The following CHTF8 variants were observed in gnomAD, a reference collection of about 807,000 sequenced individuals.
The protein encoded by CHTF8 is chromosome transmission fidelity protein 8 homolog.
Under a neutral mutation model 11.0 loss-of-function variants are expected in CHTF8, and 6 were observed. The observed-to-expected ratio is 0.55, with a 90% CI of 0.30 to 1.08. The LOEUF is 1.08. Ranked by LOEUF, CHTF8 falls within the 50% of genes least tolerant of loss-of-function variation. CHTF8 has a pLI of 0.07. For missense variants in CHTF8, 140 were observed against 153.1 expected (o/e 0.91, Z 0.45); for synonymous variants, 53 against 60.5 (o/e 0.88, Z 0.57).
chr16:69,123,542 A>C (rs914494667), intron 1 of CHTF8, among the ~76,000 whole-genome samples: 5 of 152,008 alleles, frequency 3.3e-5, no homozygotes, highest in African/African-American at 1.2e-4. Flanking sequence ...CCATAATCCC[A>C]GCTATTCGGC....
At chr16:69,121,212 G>A in intron 2 of CHTF8, 42 bp from the exon 3 acceptor site, 1 of 1,563,756 alleles carries the variant, frequency 6.4e-7, no homozygotes, top group Non-Finnish European at 8.8e-7. Flanking sequence ...TTTGAGGGGT[G>A]AAGGATGAAT....
rs970761465 is a variant in CHTF8, at chr16:69,127,212, T to C, written c.-36+5272A>G. 7.5e-4 allele frequency among the ~76,000 whole-genome samples: 110 copies of C among 147,142 alleles called. 1 individual carries two copies. The highest frequency in any genetic ancestry group is 1.2e-3 in the Admixed American group (17 of 14,532). ...GAGATTGCGCCACCACACTCCAGCC[T>C]GGGCAACAAAGAGCAAAACTCCGTC... On this transcript the variant is annotated intron_variant, in intron 1 of 3. Transcript: ENST00000448552.
At position 69,120,575 on chromosome 16, in the gene CHTF8, G is replaced by T; in HGVS notation, c.216C>A (p.Val72=). The T allele has an allele frequency of 6.2e-7, 1 of 1,614,138 alleles. No individual in the cohort carries two copies. The highest frequency in any genetic ancestry group is 8.5e-7 in the Non-Finnish European group (1 of 1,180,016). The change falls in exon 4 of 4, where the codon GTC becomes GTA. Residue 72 remains valine (V), a synonymous_variant. Coordinates refer to ENST00000448552, the MANE Select transcript of CHTF8 (RefSeq NM_001039690.5). The surrounding 1 kb of genome is among the most constrained non-coding windows in gnomAD (Gnocchi z 4.0). The part of the protein sequence containing the change: ...KIIHLEKPFA[V]LVKHTPGDQD... ...GATCCCCAGGAGTGTGTTTGACAAGGACTGCAAAAGGTTTCTCCAGGTGGA... is the reference window on the plus strand; with the variant it reads ...GATCCCCAGGAGTGTGTTTGACAAGTACTGCAAAAGGTTTCTCCAGGTGGA...
intron 1 of CHTF8, among the ~76,000 whole-genome samples, chr16:69,125,740 T>C (rs1255921160): frequency 6.6e-6 from 1 of 152,190 alleles, no homozygotes; most frequent in Non-Finnish European, 1.5e-5. Context: ...AAAATCCTTT[T>C]ATAAGGTTTC....
At chr16:69,127,595 C>T (rs1322355443) in intron 1 of CHTF8, among the ~76,000 whole-genome samples, 5 of 149,066 alleles carry the variant, frequency 3.4e-5, no homozygotes, top group Non-Finnish European at 4.4e-5. Context: ...AGAGCTCTCC[C>T]GGCAACTTTT....
rs187473707 is a variant in CHTF8, at chr16:69,121,544, T to C, written c.-35-51A>G. ...GGGTAATAACAACAACAACTAATAATGACACCTAATGCAACCTCCACCTCC... is the reference window on the plus strand; with the variant it reads ...GGGTAATAACAACAACAACTAATAACGACACCTAATGCAACCTCCACCTCC... On this transcript the variant is annotated intron_variant, in intron 1 of 3. Coordinates refer to ENST00000448552, the MANE Select transcript of CHTF8 (RefSeq NM_001039690.5). 2,958 of 1,115,664 alleles carry C rather than the reference T, an allele frequency of 2.7e-3. 10 individuals are homozygous for C. The highest frequency in any genetic ancestry group is 3.7e-3 in the Admixed American group (165 of 44,160). 69.1% of individuals were successfully genotyped at this position (1,115,664 alleles called of 1,614,324 possible). A position where few individuals can be genotyped will look rare whatever the true frequency, so the allele number is the denominator to read the frequency against.
intron 1 of CHTF8, among the ~76,000 whole-genome samples, chr16:69,130,330 G>A (rs1333573116): frequency 6.6e-6 from 1 of 151,856 alleles, no homozygotes; most frequent in Non-Finnish European, 1.5e-5. Flanking sequence ...TTTCAAACAG[G>A]AAACCAAGCC....
chr16:69,120,640 C>A lies in CHTF8; in HGVS notation c.151G>T (p.Val51Leu), dbSNP rs766507616. 1.9e-6 allele frequency: 3 copies of A among 1,608,224 alleles called. No homozygotes were observed. The highest frequency in any genetic ancestry group is 2.2e-5 in the East Asian group (1 of 44,708). ...DLHYTTEGIP[V>L]LIVGHHILYG... Reference sequence around the variant, plus strand: ...AGGATATGATGCCCCACGATCAGCACAGGGATTCCCTTTGGCAGAACAAGA... The same window carrying A: ...AGGATATGATGCCCCACGATCAGCAAAGGGATTCCCTTTGGCAGAACAAGA... Residue 51 changes from valine to leucine, a missense_variant, in exon 4 of 4, where the codon GTG becomes TTG. Val to Leu is a conservative substitution (Grantham distance 32). Transcript: ENST00000448552. The surrounding 1 kb of genome is among the most constrained non-coding windows in gnomAD (Gnocchi z 4.0).
At chr16:69,129,431 A>T (rs993479083) in intron 1 of CHTF8, among the ~76,000 whole-genome samples, 7 of 76,866 alleles carry the variant, frequency 9.1e-5, no homozygotes, top group Non-Finnish European at 2.0e-4. Context: ...CTCCGTCACA[A>T]AAAAAAAAAA....
chr16:69,124,504 A>G lies in CHTF8; in HGVS notation c.-35-3011T>C, dbSNP rs537556509. On this transcript the variant is annotated intron_variant, in intron 1 of 3. Coordinates refer to ENST00000448552, the MANE Select transcript of CHTF8 (RefSeq NM_001039690.5). ...AGTGGCATGATCTCGGCTCACCACAACCTTCACCTTCCAGCTTCAAGTGAT... is the reference window on the plus strand; with the variant it reads ...AGTGGCATGATCTCGGCTCACCACAGCCTTCACCTTCCAGCTTCAAGTGAT... Among the ~76,000 whole-genome samples the G allele has an allele frequency of 1.6e-4, 25 of 151,802 alleles. 1 individual carries two copies. In the South Asian group the frequency reaches 1.7e-3, roughly 10 times the overall value.
chr16:69,125,817 C>T (rs1168355706), intron 1 of CHTF8, among the ~76,000 whole-genome samples: 1 of 152,202 alleles, frequency 6.6e-6, no homozygotes, highest in African/African-American at 2.4e-5. Context: ...AAGTGTGGAC[C>T]TCTTTACTGT....
Position 69,132,564 on chromosome 16 carries a change from G to A in CHTF8, c.-116C>T, listed in dbSNP as rs1245265007. On this transcript the variant is annotated 5_prime_UTR_variant, in exon 1 of 4. Coordinates refer to ENST00000448552, the MANE Select transcript of CHTF8 (RefSeq NM_001039690.5). Reference sequence around the variant, plus strand: ...CTCCCGCCGCCGTCGCCGCCGCCGCGAGCACTGCCTGCGCACTTCCGACTA... The same window carrying A: ...CTCCCGCCGCCGTCGCCGCCGCCGCAAGCACTGCCTGCGCACTTCCGACTA... 4 of 384,890 alleles carry A rather than the reference G, an allele frequency of 1.0e-5. No homozygotes were observed. Among genetic ancestry groups the A allele is most frequent in the Non-Finnish European group, 2.0e-5 (4 of 195,916 alleles). 23.8% of individuals were successfully genotyped at this position (384,890 alleles called of 1,614,324 possible). A position where few individuals can be genotyped will look rare whatever the true frequency, so the allele number is the denominator to read the frequency against.
chr16:69,119,836 G>C lies in CHTF8; in HGVS notation c.*589C>G, dbSNP rs1961490128. 3 of 701,272 alleles carry C rather than the reference G, an allele frequency of 4.3e-6. No homozygotes were observed. In the Admixed American group the frequency reaches 6.0e-5, roughly 14 times the overall value. 43.4% of individuals were successfully genotyped at this position (701,272 alleles called of 1,614,324 possible). A position where few individuals can be genotyped will look rare whatever the true frequency, so the allele number is the denominator to read the frequency against. ...GCCCAGGCCAACTGGCCTAGGATTG[G>C]GAGGACCATTCCCAGAGGTTAACAG... On this transcript the variant is annotated 3_prime_UTR_variant, in exon 4 of 4. Transcript: ENST00000448552.
Position 69,130,141 on chromosome 16 carries a change from G to A in CHTF8, c.-36+2343C>T, listed in dbSNP as rs983645053. 5.9e-5 allele frequency among the ~76,000 whole-genome samples: 9 copies of A among 152,288 alleles called. No homozygotes were observed. The Middle Eastern group carries it at 0.01, about 173-fold the overall frequency. ...TGTCTTACAGAGAACAGAACAGCCT[G>A]AGCAATGATCCTCATAATCCTTCAA... On this transcript the variant is annotated intron_variant, in intron 1 of 3. Coordinates refer to ENST00000448552, the MANE Select transcript of CHTF8 (RefSeq NM_001039690.5).
chr16:69,118,909 G>A lies in CHTF8; in HGVS notation c.*1516C>T. On this transcript the variant is annotated 3_prime_UTR_variant, in exon 4 of 4. Transcript: ENST00000448552. The stretch of plus-strand genomic sequence containing the variant: ...TGCAGCCATTGGACCCCCTGGTCTG[G>A]GGAAAGCAGCTGGGTTTGTGCCAGG... 1 of 703,112 alleles carries A rather than the reference G, an allele frequency of 1.4e-6. No individual in the cohort carries two copies. The highest frequency in any genetic ancestry group is 2.6e-6 in the Non-Finnish European group (1 of 385,030). 43.6% of individuals were successfully genotyped at this position (703,112 alleles called of 1,614,324 possible).
chr16:69,125,287 A>G (rs1359774960), intron 1 of CHTF8, among the ~76,000 whole-genome samples: 1 of 152,178 alleles, frequency 6.6e-6, no homozygotes, highest in African/African-American at 2.4e-5. Context: ...CTGTGCATAT[A>G]TATTGGTGGT....
Position 69,120,458 on chromosome 16 carries a change from C to T in CHTF8, c.333G>A (p.Lys111=), listed in dbSNP as rs1210699820. 6.2e-7 allele frequency: 1 copy of T among 1,614,102 alleles called. No homozygotes were observed. Among genetic ancestry groups the T allele is most frequent in the Admixed American group, 1.7e-5 (1 of 60,018 alleles). ...TCTTGGGGACGCTGGTGATAATGGGCTTGGGGCGGGTTTTGAAAAGGATCT... is the reference window on the plus strand; with the variant it reads ...TCTTGGGGACGCTGGTGATAATGGGTTTGGGGCGGGTTTTGAAAAGGATCT... The part of the protein sequence containing the change: ...KDKILFKTRP[K]PIITSVPKKV The change falls in exon 4 of 4, where the codon AAG becomes AAA. Residue 111 remains lysine, a synonymous_variant. Coordinates refer to ENST00000448552, the MANE Select transcript of CHTF8 (RefSeq NM_001039690.5). This position sits in a 1 kb window ranked among gnomAD's most constrained non-coding sequence, Gnocchi z 4.0.
rs1961624929 is a variant in CHTF8, at chr16:69,121,163, C to G, written c.31G>C (p.Ala11Pro). ...AGCACCCATTCTGCCAGGCCTCCAG[C>G]CCTCGCACTGCAAGCAAAGGGCTGG... MVQIVISSAR[A>P]GGLAEWVLME... The change falls in exon 3 of 4, where the codon GCT becomes CCT. Residue 11 changes from alanine to proline, a missense_variant. By Grantham distance (27) the Ala-to-Pro change is conservative. Coordinates refer to ENST00000448552, the MANE Select transcript of CHTF8 (RefSeq NM_001039690.5). 1.9e-6 allele frequency: 3 copies of G among 1,612,324 alleles called. No homozygotes were observed. In the East Asian group the frequency reaches 6.7e-5, roughly 36 times the overall value.
intron 1 of CHTF8, among the ~76,000 whole-genome samples, chr16:69,127,923 T>C (rs1166226002): frequency 6.7e-6 from 1 of 148,164 alleles, no homozygotes; most frequent in Non-Finnish European, 1.5e-5. Context: ...TTTCTCTTTC[T>C]TCTTTTTTTG....
Sources: gnomAD v4.1 joint callset for allele counts (sites outside exome capture counted in the v4.1 genomes callset) on GRCh38, gnomAD v4.1.1 for gene constraint, Gnocchi (gnomAD v3.1) non-coding constraint, MANE v1.5 for transcripts, NCBI Gene and HGNC (gene_info 2026-07-23, HGNC 2026-07-21) for gene names.